The following GSK3B variants were observed in gnomAD, a reference collection of about 807,000 sequenced individuals.
GSK3B encodes the protein glycogen synthase kinase 3 beta.
A neutral mutation model predicts 56.4 loss-of-function variants in GSK3B; 15 were observed. The observed-to-expected ratio is 0.27, with a 90% CI of 0.18 to 0.41. The LOEUF (loss-of-function observed/expected upper bound fraction) is 0.41. GSK3B is among the 10% of genes least tolerant of loss of function. The probability of loss-of-function intolerance (pLI) is 1.00; values close to 1 mark genes in which losing one functional copy is unlikely to be tolerated. For synonymous variants in GSK3B, 181 were observed against 188.9 expected (o/e 0.96, Z 0.34); for missense variants, 300 against 513.4 (o/e 0.58, Z 4.02).
At chr3:120,087,789 T>C (rs1402240467) in intron 1 of GSK3B, among the ~76,000 whole-genome samples, 1 of 152,132 alleles carries the variant, frequency 6.6e-6, no homozygotes, top group Admixed American at 6.5e-5. Context: ...ACTTATAAAA[T>C]TGGAACCTGC....
chr3:119,863,322 T>C, intron 9 of GSK3B, 97 bp downstream of exon 9: 1 of 974,060 alleles, frequency 1.0e-6, no homozygotes, highest in Non-Finnish European at 1.6e-6. Context: ...AATATGTCCG[T>C]TTTTGTCCTC....
At chr3:119,872,360 G>A (rs1183197025) in intron 8 of GSK3B, among the ~76,000 whole-genome samples, 1 of 152,158 alleles carries the variant, frequency 6.6e-6, no homozygotes, top group African/African-American at 2.4e-5. Flanking sequence ...ACCTTCCTGA[G>A]AGTGAAGAGG....
At chr3:119,829,419 G>A (rs933932929) in intron 10 of GSK3B, among the ~76,000 whole-genome samples, 3 of 152,096 alleles carry the variant, frequency 2.0e-5, no homozygotes, top group African/African-American at 7.2e-5. Context: ...TGTCATTCTG[G>A]TCTTCCCCAG....
At chr3:119,982,368 C>T (rs765935193) in intron 2 of GSK3B, among the ~76,000 whole-genome samples, 15 of 152,138 alleles carry the variant, frequency 9.9e-5, no homozygotes, top group Non-Finnish European at 1.8e-4. Context: ...ATGACTTTGA[C>T]GAGTTGACAG....
Position 119,821,922 on chromosome 3 carries a change from G to C in GSK3B, c.*4866C>G, listed in dbSNP as rs2055415278. The C allele has an allele frequency of 5.6e-6, 1 of 178,684 alleles. No individual in the cohort carries two copies. The highest frequency in any genetic ancestry group is 1.2e-5 in the Non-Finnish European group (1 of 83,392). The allele number at this position is 178,684 out of a possible 1,614,324, so 11.1% of individuals were successfully genotyped here. On this transcript the variant is annotated 3_prime_UTR_variant, in exon 11 of 11. Coordinates refer to ENST00000264235, the MANE Select transcript of GSK3B (RefSeq NM_001146156.2). ...ATAGTAGGGTGAAGGAAGAGGGTTGGGTACTGAAATAAAGACCACACACTT... is the reference window on the plus strand; with the variant it reads ...ATAGTAGGGTGAAGGAAGAGGGTTGCGTACTGAAATAAAGACCACACACTT...
chr3:119,980,838 T>C (rs1224169024), intron 2 of GSK3B, among the ~76,000 whole-genome samples: 1 of 152,130 alleles, frequency 6.6e-6, no homozygotes, highest in Non-Finnish European at 1.5e-5. Context: ...AAGGAGAAGT[T>C]ATGGAAAAAG....
chr3:120,063,366 T>C lies in GSK3B; in HGVS notation c.88+29981A>G, dbSNP rs956161010. On this transcript the variant is annotated intron_variant, in intron 1 of 10. Coordinates refer to ENST00000264235, the MANE Select transcript of GSK3B (RefSeq NM_001146156.2). ...TAAGTGCCACAAGAAGAACCAAGTA[T>C]CTGGTCCCATCAAACTTTCCCTATT... Among the ~76,000 whole-genome samples, 9 of 152,214 alleles carry C rather than the reference T, an allele frequency of 5.9e-5. No individual in the cohort carries two copies. In the East Asian group the frequency reaches 1.7e-3, roughly 29 times the overall value.
At chr3:119,924,539 CAG>C (rs141106695) in intron 3 of GSK3B, among the ~76,000 whole-genome samples, 16,969 of 152,094 alleles carry the variant, frequency 0.11, 1,103 homozygotes, top group African/African-American at 0.19. Flanking sequence ...GCATTTCACG[CAG>C]AGAGAGAAAA....
intron 7 of GSK3B, among the ~76,000 whole-genome samples, chr3:119,886,632 T>A (rs930925019): frequency 6.6e-6 from 1 of 152,026 alleles, no homozygotes; most frequent in African/African-American, 2.4e-5. Flanking sequence ...TAGATGCCCA[T>A]CAACAGTGGA....
At chr3:119,996,622 G>C (rs886698754) in intron 2 of GSK3B, among the ~76,000 whole-genome samples, 4 of 151,344 alleles carry the variant, frequency 2.6e-5, no homozygotes, top group Admixed American at 6.6e-5. Flanking sequence ...AAAAAAGAAA[G>C]GGTCTCACTG....
chr3:120,021,741 T>G (rs936253386), intron 1 of GSK3B, among the ~76,000 whole-genome samples: 5 of 152,194 alleles, frequency 3.3e-5, no homozygotes, highest in African/African-American at 1.2e-4. Flanking sequence ...CTGCTTCTTA[T>G]GAATGAGCAA....
chr3:120,065,852 CA>C (rs1439727819), intron 1 of GSK3B, among the ~76,000 whole-genome samples: 3 of 152,104 alleles, frequency 2.0e-5, no homozygotes, highest in Non-Finnish European at 2.9e-5. Flanking sequence ...AAGCCAAACA[CA>C]AAAGGTCACA....
chr3:120,020,617 C>T (rs977191028), intron 1 of GSK3B, among the ~76,000 whole-genome samples: 2 of 152,192 alleles, frequency 1.3e-5, no homozygotes, highest in East Asian at 3.9e-4. Flanking sequence ...CCTCCCTCTC[C>T]TCAGCCTCCT....
At chr3:119,873,610 T>C (rs1419121500) in intron 8 of GSK3B, among the ~76,000 whole-genome samples, 1 of 152,140 alleles carries the variant, frequency 6.6e-6, no homozygotes, top group African/African-American at 2.4e-5. Flanking sequence ...ACTATCACAG[T>C]GGTAGGGAAA....
At chr3:119,982,813 C>G (rs906179787) in intron 2 of GSK3B, among the ~76,000 whole-genome samples, 2 of 152,042 alleles carry the variant, frequency 1.3e-5, no homozygotes, top group Non-Finnish European at 2.9e-5. Context: ...ACTTCCCTAA[C>G]CTAGGAAGGC....
intron 1 of GSK3B, among the ~76,000 whole-genome samples, chr3:120,066,053 T>G (rs547383175): frequency 3.0e-4 from 46 of 152,266 alleles, no homozygotes; most frequent in African/African-American, 1.1e-3. Context: ...GTGAAGGTAC[T>G]TAATGCTAAT....
chr3:120,030,113 T>C (rs1203161198), intron 1 of GSK3B, among the ~76,000 whole-genome samples: 1 of 152,202 alleles, frequency 6.6e-6, no homozygotes, highest in Admixed American at 6.5e-5. Flanking sequence ...TATTGCTATT[T>C]CAGAACCATT....
At chr3:119,998,418 AC>A (rs2057645132) in intron 2 of GSK3B, among the ~76,000 whole-genome samples, 4 of 152,150 alleles carry the variant, frequency 2.6e-5, no homozygotes, top group Admixed American at 2.6e-4. Context: ...CTTCAGACAA[AC>A]CTTCAGATGA....
chr3:119,934,405 G>A (rs924958928), intron 3 of GSK3B, among the ~76,000 whole-genome samples: 3 of 152,144 alleles, frequency 2.0e-5, no homozygotes, highest in Non-Finnish European at 4.4e-5. Context: ...CAATAGTGAG[G>A]CATCCTACAA....
Sources: allele counts gnomAD v4.1 joint callset (sites outside exome capture counted in the v4.1 genomes callset), GRCh38; gene constraint gnomAD v4.1.1; transcripts MANE v1.5; gene names NCBI Gene and HGNC (gene_info 2026-07-23, HGNC 2026-07-21).